Variants in PDPR observed in about 807,000 individuals in gnomAD.
PDPR encodes pyruvate dehydrogenase phosphatase regulatory subunit.
A neutral mutation model predicts 102.2 loss-of-function variants in PDPR; 50 were observed. That is an observed-to-expected ratio of 0.49 (90% CI 0.39 to 0.62). The LOEUF is 0.62. Ranked by LOEUF, PDPR falls within the 20% of genes least tolerant of loss-of-function variation. The pLI is 0.00. For missense variants in PDPR, 625 were observed against 1,098.2 expected (o/e 0.57, Z 6.09); for synonymous variants, 259 against 406.0 (o/e 0.64, Z 4.35).
At chr16:70,151,878 A>AT (rs1332760832) in intron 17 of PDPR, among the ~76,000 whole-genome samples, 1 of 152,196 alleles carries the variant, frequency 6.6e-6, no homozygotes, top group Non-Finnish European at 1.5e-5. Context: ...AATCTCTGGT[A>AT]TTTTGTGAGA....
intron 6 of PDPR, among the ~76,000 whole-genome samples, 180 bp from the exon 7 acceptor site, chr16:70,130,243 G>A (rs139385960): frequency 6.0e-4 from 92 of 152,358 alleles, no homozygotes; most frequent in African/African-American, 2.1e-3. Context: ...AGCCAAGATC[G>A]CACGACTACA....
chr16:70,126,072 CTT>C (rs1293739858), intron 3 of PDPR, among the ~76,000 whole-genome samples: 1 of 152,258 alleles, frequency 6.6e-6, no homozygotes, highest in Admixed American at 6.5e-5. Context: ...TATTTTTTCT[CTT>C]TTTTATATAA....
chr16:70,152,984 G>A (rs1282164932), intron 17 of PDPR, among the ~76,000 whole-genome samples: 3 of 152,290 alleles, frequency 2.0e-5, no homozygotes, highest in Non-Finnish European at 2.9e-5. Flanking sequence ...AGTAACAGTG[G>A]TTGGGAAATT....
intron 2 of PDPR, among the ~76,000 whole-genome samples, chr16:70,119,801 C>T (rs1391475665): frequency 1.3e-5 from 2 of 150,506 alleles, no homozygotes; most frequent in African/African-American, 5.0e-5. Context: ...CACACGCAAA[C>T]TCTCAAATGT....
chr16:70,114,441 G>C lies in PDPR; in HGVS notation c.-143+1G>C, dbSNP rs1345589008. The C allele has an allele frequency of 6.6e-6, 1 of 152,208 alleles. No homozygotes were observed. 9.4% of individuals were successfully genotyped at this position (152,208 alleles called of 1,614,324 possible). ...CGCGGAGCCCGTGGGGACCGGTGAG[G>C]TAAGGAGATAGCTTCGGGGCAACTC... On this transcript the variant is annotated splice_donor_variant, in intron 1 of 18. Transcript: ENST00000288050. LOFTEE classifies it low-confidence loss of function (5UTR_SPLICE).
At chr16:70,133,666 C>T (rs1334883789) in intron 9 of PDPR, among the ~76,000 whole-genome samples, 1 of 152,194 alleles carries the variant, frequency 6.6e-6, no homozygotes, top group Non-Finnish European at 1.5e-5. Flanking sequence ...GATCTGCCTG[C>T]CTTGGTCTCC....
At chr16:70,118,036 T>A (rs887340868) in intron 2 of PDPR, among the ~76,000 whole-genome samples, 1 of 148,070 alleles carries the variant, frequency 6.8e-6, no homozygotes, top group African/African-American at 2.5e-5. Flanking sequence ...GAGGTTGCAG[T>A]GAGCCGAGAT....
chr16:70,143,381 T>C (rs982848462), intron 13 of PDPR, 129 bp from the exon 14 acceptor site: 137 of 1,132,160 alleles, frequency 1.2e-4, no homozygotes, highest in Non-Finnish European at 1.6e-4. Context: ...GTGGAGTAGG[T>C]CTGCAAATGT....
chr16:70,143,228 T>A (rs1318348217), intron 13 of PDPR, among the ~76,000 whole-genome samples: 1 of 152,274 alleles, frequency 6.6e-6, no homozygotes, highest in Non-Finnish European at 1.5e-5. Context: ...ACTGATTTCT[T>A]AAGAATTCTG....
chr16:70,126,855 A>G (rs555799916), intron 3 of PDPR, among the ~76,000 whole-genome samples: 12 of 152,300 alleles, frequency 7.9e-5, no homozygotes, highest in African/African-American at 2.9e-4. Context: ...AATCTGTCCC[A>G]TGTCATTGAA....
chr16:70,148,611 C>G (rs1966442235), intron 17 of PDPR, 58 bp downstream of exon 17: 7 of 1,088,086 alleles, frequency 6.4e-6, no homozygotes, highest in Non-Finnish European at 8.2e-6. Context: ...CCTTCCCTTC[C>G]CTTCCCACAA....
At position 70,142,686 on chromosome 16, in the gene PDPR, A is replaced by C; in HGVS notation, c.1605A>C (p.Thr535=). 2.5e-6 allele frequency: 4 copies of C among 1,614,066 alleles called. No homozygotes were observed. Among genetic ancestry groups the C allele is most frequent in the Non-Finnish European group, 3.4e-6 (4 of 1,179,894 alleles). ...CCTCTTTCACAAAGTTTGAGATAACAGTAAGTATTTGGGAACCAAAAAGTA... is the reference window on the plus strand; with the variant it reads ...CCTCTTTCACAAAGTTTGAGATAACCGTAAGTATTTGGGAACCAAAAAGTA... The part of the protein sequence containing the change: ...DMSSFTKFEI[T]STGDQALEVL... The change falls in exon 13 of 19, where the codon ACA becomes ACC. Residue 535 remains threonine (T), a splice_region_variant and synonymous_variant. Coordinates refer to ENST00000288050, the MANE Select transcript of PDPR (RefSeq NM_017990.5).
At chr16:70,151,423 A>G (rs1350315639) in intron 17 of PDPR, among the ~76,000 whole-genome samples, 1 of 152,302 alleles carries the variant, frequency 6.6e-6, no homozygotes, top group Non-Finnish European at 1.5e-5. Context: ...ATTAAAGCAC[A>G]GATAATATCA....
At chr16:70,146,046 T>C (rs2080129384) in intron 15 of PDPR, 88 bp from the exon 16 acceptor site, 2 of 1,538,862 alleles carry the variant, frequency 1.3e-6, no homozygotes, top group Admixed American at 1.7e-5. Flanking sequence ...CAGGCCTGGC[T>C]ATAGCTGAGC....
chr16:70,120,767 A>T (rs775744454), intron 3 of PDPR, 48 bp downstream of exon 3: 12 of 1,212,794 alleles, frequency 9.9e-6, no homozygotes, highest in Non-Finnish European at 1.5e-5. Flanking sequence ...CACTAATCGT[A>T]TAAGATTCCC....
At chr16:70,133,802 C>T (rs561466943) in intron 9 of PDPR, among the ~76,000 whole-genome samples, 57 of 151,904 alleles carry the variant, frequency 3.8e-4, no homozygotes, top group African/African-American at 9.2e-4. Flanking sequence ...GGTGCGATCT[C>T]GGCTCACCGC....
In PDPR at chr16:70,120,553, A is replaced by C; in HGVS notation, c.61A>C (p.Asn21His). 1 of 1,614,054 alleles carries C rather than the reference A, an allele frequency of 6.2e-7. No individual in the cohort carries two copies. The highest frequency in any genetic ancestry group is 1.3e-5 in the African/African-American group (1 of 75,072). The change falls in exon 3 of 19, where the codon AAC becomes CAC. Residue 21 changes from asparagine (N) to histidine (H), a missense_variant. Transcript: ENST00000288050. ...ACAAAGAGCCAGCCCAGGATGGCAGAACTGGTCCTCTGCAAGAAACAGCAC... is the reference window on the plus strand; with the variant it reads ...ACAAAGAGCCAGCCCAGGATGGCAGCACTGGTCCTCTGCAAGAAACAGCAC... ...GRQRASPGWQNWSSARNSTSA... is the reference protein window; with the variant it reads ...GRQRASPGWQHWSSARNSTSA...
chr16:70,142,487 A>C (rs1442994017), intron 12 of PDPR, 66 bp from the exon 13 acceptor site: 2 of 1,612,916 alleles, frequency 1.2e-6, no homozygotes, highest in South Asian at 1.1e-5. Context: ...ATGTGTTCAC[A>C]GAAGAAAAAG....
At chr16:70,141,061 T>G (rs535892913) in intron 11 of PDPR, among the ~76,000 whole-genome samples, 1 of 151,308 alleles carries the variant, frequency 6.6e-6, no homozygotes, top group African/African-American at 2.4e-5. Context: ...GGAAATGAAT[T>G]TTTTTTTTTT....
Sources: allele counts gnomAD v4.1 joint callset (sites outside exome capture counted in the v4.1 genomes callset), GRCh38; gene constraint gnomAD v4.1.1; transcripts MANE v1.5; gene names NCBI Gene and HGNC (gene_info 2026-07-23, HGNC 2026-07-21).